Variants in MYO1E observed in about 807,000 individuals in gnomAD.
MYO1E encodes the protein unconventional myosin-Ie.
Under a neutral mutation model 151.1 loss-of-function variants are expected in MYO1E, and 68 were observed. The ratio of observed to expected loss-of-function variants is 0.45; its 90% CI spans 0.37 to 0.55. MYO1E has a LOEUF of 0.55. Ranked by LOEUF, MYO1E falls within the 20% of genes least tolerant of loss-of-function variation. The pLI is 0.00. For synonymous variants in MYO1E, 601 were observed against 501.7 expected, an observed-to-expected ratio of 1.20 and a Z score of -2.64; for missense variants, 1,363 against 1,389.3, an observed-to-expected ratio of 0.98 and a Z score of 0.30.
chr15:59,200,909 G>T (rs574313257), intron 16 of MYO1E, among the ~76,000 whole-genome samples: 14 of 152,270 alleles, frequency 9.2e-5, no homozygotes, highest in African/African-American at 3.4e-4. Context: ...GCGAGGAAAA[G>T]CCAGAGCTGA....
At chr15:59,158,133 A>G (rs1174485385) in intron 25 of MYO1E, among the ~76,000 whole-genome samples, 154 bp downstream of exon 25, 1 of 152,244 alleles carries the variant, frequency 6.6e-6, no homozygotes, top group Non-Finnish European at 1.5e-5. Flanking sequence ...TGAGGTCTCA[A>G]GTAGGGCTGC....
At chr15:59,235,016 G>A (rs1276124718) in intron 5 of MYO1E, among the ~76,000 whole-genome samples, 8 of 152,044 alleles carry the variant, frequency 5.3e-5, no homozygotes, top group African/African-American at 1.7e-4. Context: ...ACCTTAGCTC[G>A]CCATCACCCT....
intron 17 of MYO1E, among the ~76,000 whole-genome samples, chr15:59,189,693 G>C (rs2079721475): frequency 6.6e-6 from 1 of 152,172 alleles, no homozygotes; most frequent in Non-Finnish European, 1.5e-5. Context: ...TCCTGCCTCA[G>C]CATCTCGAAT....
chr15:59,155,217 C>T (rs1446597379), intron 25 of MYO1E, among the ~76,000 whole-genome samples: 2 of 152,170 alleles, frequency 1.3e-5, no homozygotes, highest in Non-Finnish European at 2.9e-5. Context: ...CCCTTGTCCA[C>T]GATAAGGTCA....
At chr15:59,141,669 A>G (rs2079410129) in intron 26 of MYO1E, among the ~76,000 whole-genome samples, 1 of 152,042 alleles carries the variant, frequency 6.6e-6, no homozygotes. Context: ...GTGACGGTGC[A>G]TGCCTATAGT....
In MYO1E at chr15:59,372,863, C is replaced by G. The variant is rs530487697; in HGVS notation, c.-363G>C. On this transcript the variant is annotated 5_prime_UTR_variant, in exon 1 of 28. Coordinates refer to ENST00000288235, the MANE Select transcript of MYO1E (RefSeq NM_004998.4). ...GGCCACTTAATCCGTACTCCTCTGG[C>G]TGAGTCTCGGCTCGGGCCGGGCAAT... The G allele has an allele frequency of 5.8e-6, 2 of 344,150 alleles. No homozygotes were observed. The highest frequency in any genetic ancestry group is 4.7e-5 in the South Asian group (1 of 21,286). The allele number at this position is 344,150 out of a possible 1,614,324, so 21.3% of individuals were successfully genotyped here. A position where few individuals can be genotyped will look rare whatever the true frequency, so the allele number is the denominator to read the frequency against.
chr15:59,263,093 T>C (rs1199442194), intron 2 of MYO1E, among the ~76,000 whole-genome samples: 1 of 152,196 alleles, frequency 6.6e-6, no homozygotes, highest in Non-Finnish European at 1.5e-5. Context: ...TCAAGGTGTT[T>C]AGAAATTTTA....
chr15:59,208,463 A>G (rs2079855065), intron 14 of MYO1E: 1 of 629,118 alleles, frequency 1.6e-6, no homozygotes, highest in South Asian at 2.0e-5. Flanking sequence ...TATATGCTGT[A>G]AAAAAGTAGT....
chr15:59,240,370 G>A (rs1460303084), intron 4 of MYO1E, among the ~76,000 whole-genome samples: 1 of 151,870 alleles, frequency 6.6e-6, no homozygotes, highest in Non-Finnish European at 1.5e-5. Context: ...GTATTGTAGA[G>A]TGTGTGTCTG....
intron 9 of MYO1E, among the ~76,000 whole-genome samples, chr15:59,222,835 A>C (rs1465288554): frequency 6.6e-6 from 1 of 152,208 alleles, no homozygotes; most frequent in South Asian, 2.1e-4. Flanking sequence ...TTCCATTAAT[A>C]ATCGATGGTG....
At chr15:59,224,197 T>C (rs1231308125) in intron 8 of MYO1E, among the ~76,000 whole-genome samples, 3 of 152,106 alleles carry the variant, frequency 2.0e-5, no homozygotes, top group African/African-American at 7.2e-5. Flanking sequence ...ATAACATACA[T>C]GCAATGTGAA....
rs560926913 is a variant in MYO1E at position 59,283,474 on chromosome 15, T to C, written c.4-11025A>G. On this transcript the variant is annotated intron_variant, in intron 1 of 27. Transcript: ENST00000288235. ...GCTCTAACAGCATTACCTGAGTGCCTGGCTCCCTGATTAAACTGACCCCTA... is the reference window on the plus strand; with the variant it reads ...GCTCTAACAGCATTACCTGAGTGCCCGGCTCCCTGATTAAACTGACCCCTA... Among the ~76,000 whole-genome samples, 3 of 152,174 alleles carry C rather than the reference T, an allele frequency of 2.0e-5. No individual in the cohort carries two copies. The South Asian group carries it at 6.2e-4, about 32-fold the overall frequency.
At chr15:59,226,802 G>A (rs1396658940) in intron 7 of MYO1E, among the ~76,000 whole-genome samples, 1 of 152,186 alleles carries the variant, frequency 6.6e-6, no homozygotes, top group East Asian at 1.9e-4. Flanking sequence ...GCAAGACACT[G>A]TCTCAAATAA....
chr15:59,150,444 A>C (rs971130363), intron 26 of MYO1E, among the ~76,000 whole-genome samples: 1 of 152,242 alleles, frequency 6.6e-6, no homozygotes, highest in Non-Finnish European at 1.5e-5. Flanking sequence ...CTGATGTGCA[A>C]GTTTGCAACT....
At chr15:59,229,000 C>T (rs1298209290) in intron 6 of MYO1E, among the ~76,000 whole-genome samples, 6 of 152,204 alleles carry the variant, frequency 3.9e-5, no homozygotes, top group Admixed American at 2.6e-4. Context: ...AACCACCAGC[C>T]ATCGCTCTGC....
chr15:59,212,618 CTTTTCT>C (rs1347929464), intron 12 of MYO1E: 1 of 152,088 alleles, frequency 6.6e-6, no homozygotes, highest in East Asian at 1.9e-4. Flanking sequence ...TGGTGTCTTT[CTTTTCT>C]TTTTCTTTTT....
intron 26 of MYO1E, among the ~76,000 whole-genome samples, chr15:59,146,779 A>G (rs2079444328): frequency 6.6e-6 from 1 of 151,058 alleles, no homozygotes; most frequent in Non-Finnish European, 1.5e-5. Flanking sequence ...ATAAAACTAT[A>G]CATCACTGAG....
intron 4 of MYO1E, among the ~76,000 whole-genome samples, 182 bp from the exon 5 acceptor site, chr15:59,236,854 C>T (rs556172495): frequency 1.3e-5 from 2 of 152,280 alleles, no homozygotes; most frequent in South Asian, 2.1e-4. Flanking sequence ...GATTAGGTCG[C>T]CCATGTGACC....
intron 1 of MYO1E, among the ~76,000 whole-genome samples, chr15:59,368,677 C>T (rs951964026): frequency 6.6e-6 from 1 of 151,870 alleles, no homozygotes. Context: ...AACCGGGAGG[C>T]GGAGGTTGCA....
Sources: allele counts gnomAD v4.1 joint callset (sites outside exome capture counted in the v4.1 genomes callset), GRCh38; gene constraint gnomAD v4.1.1; transcripts MANE v1.5; gene names NCBI Gene and HGNC (gene_info 2026-07-23, HGNC 2026-07-21).